MAP4K3: variants seen among roughly 807,000 people sequenced by gnomAD.
The protein encoded by MAP4K3 is mitogen-activated protein kinase kinase kinase kinase 3.
Under a neutral mutation model 143.5 loss-of-function variants are expected in MAP4K3, and 94 were observed. The ratio of observed to expected loss-of-function variants is 0.65; its 90% CI spans 0.55 to 0.78. MAP4K3 has a LOEUF of 0.78. MAP4K3 is among the 30% of genes least tolerant of loss of function. The probability of loss-of-function intolerance (pLI) is 0.00; values close to 1 mark genes in which losing one functional copy is unlikely to be tolerated. For synonymous variants in MAP4K3, 416 were observed against 347.2 expected (o/e 1.20, Z -2.20); for missense variants, 1,077 against 1,068.1 (o/e 1.01, Z -0.12).
intron 3 of MAP4K3, among the ~76,000 whole-genome samples, chr2:39,347,344 T>C (rs928791047): frequency 1.1e-4 from 17 of 152,196 alleles, no homozygotes; most frequent in African/African-American, 3.6e-4. Flanking sequence ...TTGAGAACCA[T>C]AGCTCTAAAA....
intron 2 of MAP4K3, among the ~76,000 whole-genome samples, chr2:39,376,057 G>C (rs1393252256): frequency 6.6e-6 from 1 of 152,070 alleles, no homozygotes; most frequent in Non-Finnish European, 1.5e-5. Context: ...TCATTGTGTC[G>C]GCAGATATGC....
At chr2:39,257,923 A>G (rs1680411298) in intron 31 of MAP4K3, among the ~76,000 whole-genome samples, 4 of 151,934 alleles carry the variant, frequency 2.6e-5, no homozygotes, top group Admixed American at 2.6e-4. Context: ...CATATTTATT[A>G]TATCCTCTAA....
chr2:39,390,972 T>C (rs1277056803), intron 1 of MAP4K3, among the ~76,000 whole-genome samples: 2 of 152,140 alleles, frequency 1.3e-5, no homozygotes, highest in African/African-American at 4.8e-5. Flanking sequence ...ACATCTGCAA[T>C]ATGACTGCCT....
intron 4 of MAP4K3, among the ~76,000 whole-genome samples, chr2:39,342,304 A>G (rs936352499): frequency 6.6e-6 from 1 of 151,880 alleles, no homozygotes; most frequent in Non-Finnish European, 1.5e-5. Context: ...ATGCCCAGCT[A>G]ATTTTGGTAG....
At chr2:39,289,030 C>T (rs757865855) in intron 19 of MAP4K3, among the ~76,000 whole-genome samples, 6 of 151,948 alleles carry the variant, frequency 3.9e-5, no homozygotes, top group Admixed American at 6.6e-5. Context: ...CCAGCCTGGG[C>T]GAAAGAGCGA....
intron 12 of MAP4K3, among the ~76,000 whole-genome samples, chr2:39,321,354 T>G (rs1317927100): frequency 2.0e-5 from 3 of 152,198 alleles, no homozygotes; most frequent in Non-Finnish European, 4.4e-5. Context: ...GATTAAGGGT[T>G]GTGCAAGATG....
chr2:39,288,318 T>C (rs1400534268), intron 19 of MAP4K3, 38 bp from the exon 20 acceptor site: 4 of 1,579,116 alleles, frequency 2.5e-6, no homozygotes, highest in Non-Finnish European at 3.5e-6. Flanking sequence ...CAATGAAACA[T>C]CAAATTATTT....
intron 2 of MAP4K3, among the ~76,000 whole-genome samples, chr2:39,362,042 T>G (rs1665785905): frequency 6.6e-6 from 1 of 152,162 alleles, no homozygotes; most frequent in Non-Finnish European, 1.5e-5. Context: ...TTAATAACTG[T>G]ATTAATGTAA....
rs747508174 is a variant in MAP4K3, at chr2:39,315,319, C to A, written c.988G>T (p.Glu330Ter). ...TATAGTATATACTTACAGGTTATCT[C>A]TGAGCGTGTTTTTTCTTCTCTCACG... is the stretch of plus-strand genomic sequence containing the variant. ...RNVREEKTRS[E>*]ITFGQVKFDP... is the part of the protein sequence containing the mutation. Residue 330 changes from glutamate to a stop codon, truncating the protein, a stop_gained, in exon 13 of 34, where the codon GAG becomes TAG. Coordinates refer to ENST00000263881, the MANE Select transcript of MAP4K3 (RefSeq NM_003618.4). LOFTEE classifies it high-confidence loss of function. 2 of 1,601,140 alleles carry A rather than the reference C, an allele frequency of 1.2e-6. No individual in the cohort carries two copies. The highest frequency in any genetic ancestry group is 1.1e-5 in the South Asian group (1 of 90,638).
At chr2:39,362,209 T>G (rs908276189) in intron 2 of MAP4K3, among the ~76,000 whole-genome samples, 11 of 152,204 alleles carry the variant, frequency 7.2e-5, no homozygotes, top group Non-Finnish European at 1.3e-4. Context: ...TCCTTCTGAT[T>G]CTTTATCCTG....
At chr2:39,320,193 A>C (rs1683256081) in intron 12 of MAP4K3, among the ~76,000 whole-genome samples, 1 of 152,222 alleles carries the variant, frequency 6.6e-6, no homozygotes, top group African/African-American at 2.4e-5. Flanking sequence ...AAATAGTCAA[A>C]AATTAAGTAT....
chr2:39,412,603 G>A (rs984276198), intron 1 of MAP4K3, among the ~76,000 whole-genome samples: 3 of 152,070 alleles, frequency 2.0e-5, no homozygotes, highest in Non-Finnish European at 4.4e-5. Flanking sequence ...ACTCAGAAGG[G>A]CTTTCCTAAA....
intron 16 of MAP4K3, among the ~76,000 whole-genome samples, chr2:39,298,907 G>C (rs1682395237): frequency 6.6e-6 from 1 of 150,926 alleles, no homozygotes; most frequent in Non-Finnish European, 1.5e-5. Flanking sequence ...GGAGGTTGAA[G>C]TGGGCCAAGT....
intron 1 of MAP4K3, among the ~76,000 whole-genome samples, chr2:39,412,160 T>C (rs1225761351): frequency 6.6e-6 from 1 of 152,172 alleles, no homozygotes; most frequent in African/African-American, 2.4e-5. Flanking sequence ...ACCAAAATAA[T>C]TAAGTCAGAG....
intron 1 of MAP4K3, among the ~76,000 whole-genome samples, chr2:39,380,335 G>T (rs1206659912): frequency 6.6e-6 from 1 of 152,014 alleles, no homozygotes; most frequent in Non-Finnish European, 1.5e-5. Context: ...TGATTCACCA[G>T]GAATCTTGGT....
intron 28 of MAP4K3, among the ~76,000 whole-genome samples, chr2:39,262,193 A>C: frequency 6.6e-6 from 1 of 152,204 alleles, no homozygotes; most frequent in African/African-American, 2.4e-5. Flanking sequence ...AAGAAAAGTA[A>C]AAGGTGCAAC....
chr2:39,355,877 T>A (rs1665597345), intron 3 of MAP4K3, among the ~76,000 whole-genome samples: 2 of 151,902 alleles, frequency 1.3e-5, no homozygotes, highest in Non-Finnish European at 2.9e-5. Flanking sequence ...AGCACAAAAT[T>A]AAAAAAAAGT....
chr2:39,286,711 T>C, intron 21 of MAP4K3, 141 bp downstream of exon 21: 1 of 414,716 alleles, frequency 2.4e-6, no homozygotes, highest in Admixed American at 4.2e-5. Flanking sequence ...CTATTCACCA[T>C]TATAATTAAT....
chr2:39,427,506 C>G (rs1322210016), intron 1 of MAP4K3, among the ~76,000 whole-genome samples: 1 of 152,012 alleles, frequency 6.6e-6, no homozygotes, highest in Non-Finnish European at 1.5e-5. Context: ...CATTTAAGAA[C>G]AGTAGAACCA....
Sources: gnomAD v4.1 joint callset for allele counts (sites outside exome capture counted in the v4.1 genomes callset) on GRCh38, gnomAD v4.1.1 for gene constraint, MANE v1.5 for transcripts, NCBI Gene and HGNC (gene_info 2026-07-23, HGNC 2026-07-21) for gene names.